The following PMS1 variants were observed in gnomAD, a reference collection of about 807,000 sequenced individuals.
PMS1 encodes PMS1 protein homolog 1.
PMS1 carries 79 observed loss-of-function variants against 93.1 expected under a neutral mutation model. The ratio of observed to expected loss-of-function variants is 0.85; its 90% CI spans 0.71 to 1.02. The LOEUF is 1.02. PMS1 is among the 50% of genes least tolerant of loss of function. The pLI is 0.00. For missense variants in PMS1, 1,064 were observed against 1,085.3 expected (o/e 0.98, Z 0.28); for synonymous variants, 335 against 363.4 (o/e 0.92, Z 0.89).
At chr2:189,805,492 G>A (rs1575079899) in intron 3 of PMS1, among the ~76,000 whole-genome samples, 160 bp from the exon 4 acceptor site, 1 of 152,134 alleles carries the variant, frequency 6.6e-6, no homozygotes, top group Admixed American at 6.5e-5. Flanking sequence ...GCTTATTTGT[G>A]TAACTCTAAG....
intron 5 of PMS1, among the ~76,000 whole-genome samples, chr2:189,833,356 G>A (rs924007810): frequency 6.6e-6 from 1 of 152,126 alleles, no homozygotes; most frequent in Admixed American, 6.5e-5. Flanking sequence ...TTGTGAGGCC[G>A]AGGCAGGTGG....
At chr2:189,808,681 T>C (rs2050562086) in intron 4 of PMS1, among the ~76,000 whole-genome samples, 1 of 152,180 alleles carries the variant, frequency 6.6e-6, no homozygotes, top group South Asian at 2.1e-4. Context: ...AAATTCCAGC[T>C]CTGGTTTTTC....
intron 4 of PMS1, among the ~76,000 whole-genome samples, chr2:189,813,704 A>C (rs1040148489): frequency 6.6e-6 from 1 of 152,244 alleles, no homozygotes; most frequent in Non-Finnish European, 1.5e-5. Context: ...TCATATGCAA[A>C]GCATTGAAAT....
intron 9 of PMS1, among the ~76,000 whole-genome samples, chr2:189,861,758 A>G (rs1324268471): frequency 1.3e-5 from 2 of 152,004 alleles, no homozygotes; most frequent in African/African-American, 4.8e-5. Flanking sequence ...AAAAAAAAAA[A>G]AAAAGATTTC....
At chr2:189,830,487 T>TCC (rs1190857004) in intron 5 of PMS1, among the ~76,000 whole-genome samples, 2 of 152,186 alleles carry the variant, frequency 1.3e-5, no homozygotes, top group African/African-American at 4.8e-5. Flanking sequence ...ATTTCCCCTG[T>TCC]CCCCCCGCTT....
At chr2:189,802,829 G>C (rs558403629) in intron 3 of PMS1, among the ~76,000 whole-genome samples, 2 of 152,190 alleles carry the variant, frequency 1.3e-5, no homozygotes, top group African/African-American at 4.8e-5. Flanking sequence ...TGATGGAGGA[G>C]CTTTAGTCAA....
intron 1 of PMS1, chr2:189,785,523 A>G (rs1249539400): frequency 1.3e-5 from 2 of 152,214 alleles, no homozygotes; most frequent in Admixed American, 6.5e-5. Flanking sequence ...ATAGAGTGCT[A>G]TATTCCAGGG....
chr2:189,792,449 A>AT (rs5742974), intron 2 of PMS1, among the ~76,000 whole-genome samples: 1,671 of 151,960 alleles, frequency 0.011, 15 homozygotes, highest in Non-Finnish European at 0.019. Flanking sequence ...TATTTTATTC[A>AT]TTTTTGTGTC....
intron 2 of PMS1, among the ~76,000 whole-genome samples, chr2:189,792,719 A>ATATATATATATATATG (rs1491154950): frequency 4.2e-5 from 6 of 144,072 alleles, no homozygotes; most frequent in African/African-American, 1.5e-4. Context: ...ATATATATAT[A>ATATATATATATATATG]TGTAAAATAA....
At chr2:189,799,839 T>C (rs549398781) in intron 3 of PMS1, among the ~76,000 whole-genome samples, 185 of 152,344 alleles carry the variant, frequency 1.2e-3, no homozygotes, top group Middle Eastern at 3.4e-3. Flanking sequence ...TGAGGTGTTA[T>C]AAACGTCCCA....
chr2:189,839,530 G>A (rs2053652848), intron 5 of PMS1, among the ~76,000 whole-genome samples: 1 of 152,096 alleles, frequency 6.6e-6, no homozygotes, highest in Non-Finnish European at 1.5e-5. Flanking sequence ...CTCTCTATAT[G>A]TTCATGATTT....
intron 4 of PMS1, among the ~76,000 whole-genome samples, chr2:189,814,554 TTCTC>T (rs2051112218): frequency 1.3e-5 from 2 of 152,172 alleles, no homozygotes; most frequent in South Asian, 4.1e-4. Flanking sequence ...CTTTATTACT[TTCTC>T]TTATTTTCTT....
intron 9 of PMS1, among the ~76,000 whole-genome samples, chr2:189,863,103 C>CT (rs961948947): frequency 1.3e-5 from 2 of 152,084 alleles, no homozygotes; most frequent in African/African-American, 2.4e-5. Flanking sequence ...ATGTGGGTCT[C>CT]TATTTTTTTC....
chr2:189,854,980 G>A lies in PMS1; in HGVS notation c.1708G>A (p.Val570Ile), dbSNP rs775236748. The A allele has an allele frequency of 1.1e-5, 17 of 1,613,136 alleles. No individual in the cohort carries two copies. Among genetic ancestry groups the A allele is most frequent in the Admixed American group, 1.7e-5 (1 of 59,980 alleles). The change falls in exon 9 of 13, where the codon GTA (valine) becomes ATA (isoleucine). Residue 570 changes from valine to isoleucine, a missense_variant. Transcript: ENST00000441310. Reference protein sequence around the residue: ...VTAYDLLSNRVIKKPMSASAL... With the variant: ...VTAYDLLSNRIIKKPMSASAL... ...AGCTTATGATTTACTTAGCAATCGA[G>A]TAATCAAGAAACCCATGTCAGCAAG...
chr2:189,870,481 A>G (rs2057052828), intron 11 of PMS1, among the ~76,000 whole-genome samples: 1 of 152,198 alleles, frequency 6.6e-6, no homozygotes. Flanking sequence ...ATTTCACAGT[A>G]TTTTATGGAA....
rs528626839 is a variant in PMS1, at chr2:189,800,067, C to T, written c.315+4116C>T. Among the ~76,000 whole-genome samples the T allele has an allele frequency of 8.6e-4, 131 of 152,328 alleles. 1 individual carries two copies. Among genetic ancestry groups the T allele is most frequent in the Middle Eastern group, 3.4e-3 (1 of 294 alleles). On this transcript the variant is annotated intron_variant, in intron 3 of 12. Transcript: ENST00000441310. ...TTCTTACCCAACTTCAAAACACTGT[C>T]TCTAATAACTCAAGTAATGTTCATT... is the stretch of plus-strand genomic sequence containing the variant.
chr2:189,827,914 T>TGTTG (rs2052577487), intron 5 of PMS1, among the ~76,000 whole-genome samples: 1 of 150,030 alleles, frequency 6.7e-6, no homozygotes, highest in Non-Finnish European at 1.5e-5. Flanking sequence ...AAAAATAAGG[T>TGTTG]TTTGTTTGTT....
chr2:189,795,775 T>C lies in PMS1; in HGVS notation c.139T>C (p.Tyr47His). 6.2e-7 allele frequency: 1 copy of C among 1,612,774 alleles called. No homozygotes were observed. ...GTTTTTTGACATTTTATAGGAGAAC[T>C]ATGGATTTGATAAAATTGAGGTGCG... The part of the protein sequence containing the change: ...ATSVDVKLEN[Y>H]GFDKIEVRDN... The change falls in exon 3 of 13, where the codon TAT becomes CAT. Residue 47 changes from tyrosine (Y) to histidine (H), a missense_variant. Transcript: ENST00000441310.
intron 4 of PMS1, among the ~76,000 whole-genome samples, chr2:189,815,613 G>A (rs1407902188): frequency 6.6e-6 from 1 of 152,160 alleles, no homozygotes; most frequent in Non-Finnish European, 1.5e-5. Context: ...AGGCCTCCCA[G>A]CCATGTGGAA....
Sources: gnomAD v4.1 joint callset for allele counts (sites outside exome capture counted in the v4.1 genomes callset) on GRCh38, gnomAD v4.1.1 for gene constraint, MANE v1.5 for transcripts, NCBI Gene and HGNC (gene_info 2026-07-23, HGNC 2026-07-21) for gene names.